LOC400499: variants seen among roughly 807,000 people sequenced by gnomAD.
At chr16:11,401,737 C>T in the LOC400499 span, among the ~76,000 whole-genome samples, 50 of 152,358 alleles carry the variant, frequency 3.3e-4, no homozygotes, top group Non-Finnish European at 6.0e-4. Flanking sequence ...TGAACACGGG[C>T]CCATTAATAG....
chr16:11,502,342 T>C, the LOC400499 span, among the ~76,000 whole-genome samples: 1 of 152,300 alleles, frequency 6.6e-6, no homozygotes, highest in Non-Finnish European at 1.5e-5. Flanking sequence ...AAGCTCCAGG[T>C]CTGGCTTCTC....
chr16:11,396,542 G>C, the LOC400499 span: 48 of 1,232,208 alleles, frequency 3.9e-5, no homozygotes, highest in East Asian at 1.1e-3. Flanking sequence ...AGCTGAACGA[G>C]GCCTGCTGTG....
At chr16:11,374,103 T>G in the LOC400499 span, among the ~76,000 whole-genome samples, 1 of 152,256 alleles carries the variant, frequency 6.6e-6, no homozygotes. Context: ...TAATTAGTAA[T>G]TTTAATAATT....
At chr16:11,445,182 A>T in the LOC400499 span, among the ~76,000 whole-genome samples, 1 of 151,962 alleles carries the variant, frequency 6.6e-6, no homozygotes, top group Admixed American at 6.6e-5. Flanking sequence ...GCACTTTGGG[A>T]GGCCAAGGCG....
the LOC400499 span, chr16:11,446,671 T>C: frequency 6.5e-6 from 10 of 1,533,814 alleles, no homozygotes; most frequent in Non-Finnish European, 7.0e-6. Flanking sequence ...TACACACGCA[T>C]GCAGGGAGTG....
chr16:11,384,970 C>T, the LOC400499 span: 2 of 1,232,250 alleles, frequency 1.6e-6, no homozygotes, highest in Non-Finnish European at 1.0e-6. Flanking sequence ...CGCTGGCCAG[C>T]TCAATCCTGG....
chr16:11,397,110 A>G, the LOC400499 span, among the ~76,000 whole-genome samples: 1 of 152,090 alleles, frequency 6.6e-6, no homozygotes, highest in African/African-American at 2.4e-5. Context: ...GGAATGCGCC[A>G]CCCAGGAGGC....
At chr16:11,505,736 A>G in the LOC400499 span, among the ~76,000 whole-genome samples, 11 of 152,010 alleles carry the variant, frequency 7.2e-5, no homozygotes, top group Non-Finnish European at 1.2e-4. Flanking sequence ...GGTGTGAGCC[A>G]CTGTGCCCGG....
the LOC400499 span, among the ~76,000 whole-genome samples, chr16:11,388,312 G>C: frequency 2.0e-5 from 3 of 152,152 alleles, no homozygotes; most frequent in South Asian, 4.1e-4. Context: ...CCCTTCATCA[G>C]CCTCCATTCT....
chr16:11,513,664 C>G, the LOC400499 span, among the ~76,000 whole-genome samples: 1 of 152,054 alleles, frequency 6.6e-6, no homozygotes, highest in Non-Finnish European at 1.5e-5. Context: ...CTCCTGATCT[C>G]AAGTTATCCG....
the LOC400499 span, among the ~76,000 whole-genome samples, chr16:11,515,676 AATT>A: frequency 6.7e-6 from 1 of 148,782 alleles, no homozygotes; most frequent in Non-Finnish European, 1.5e-5. Flanking sequence ...GAAGAGAAGG[AATT>A]GGAGGAGAGG....
the LOC400499 span, among the ~76,000 whole-genome samples, chr16:11,491,435 T>C: frequency 2.0e-5 from 3 of 152,030 alleles, no homozygotes; most frequent in Admixed American, 1.3e-4. Flanking sequence ...ATTTTACAGA[T>C]GAGGAAACTG....
chr16:11,475,695 G>T, the LOC400499 span: 1 of 399,074 alleles, frequency 2.5e-6, no homozygotes, highest in Non-Finnish European at 4.4e-6. Flanking sequence ...GCCATCCCTG[G>T]TGATGAGGTA....
the LOC400499 span, chr16:11,385,148 G>A: frequency 2.4e-6 from 3 of 1,230,394 alleles, no homozygotes; most frequent in East Asian, 9.5e-5. Flanking sequence ...CAGGCGACCT[G>A]CCATGGGCAC....
the LOC400499 span, among the ~76,000 whole-genome samples, chr16:11,404,307 A>T: frequency 6.6e-6 from 1 of 152,036 alleles, no homozygotes; most frequent in Non-Finnish European, 1.5e-5. Context: ...TTGCTTCCTG[A>T]TGGACCCCTG....
the LOC400499 span, among the ~76,000 whole-genome samples, chr16:11,509,433 T>G: frequency 6.6e-6 from 1 of 151,326 alleles, no homozygotes; most frequent in African/African-American, 2.4e-5. Flanking sequence ...TGAGTATCCT[T>G]TAACAGAAAC....
At chr16:11,406,257 G>C in the LOC400499 span, among the ~76,000 whole-genome samples, 1 of 152,166 alleles carries the variant, frequency 6.6e-6, no homozygotes, top group African/African-American at 2.4e-5. Context: ...GCTTACAAGT[G>C]AGAACATGTG....
At chr16:11,451,362 T>C in the LOC400499 span, among the ~76,000 whole-genome samples, 5 of 152,168 alleles carry the variant, frequency 3.3e-5, no homozygotes, top group African/African-American at 1.2e-4. Context: ...GGAGGATCAC[T>C]TGAGTCTAGG....
the LOC400499 span, among the ~76,000 whole-genome samples, chr16:11,494,245 GT>G: frequency 6.6e-6 from 1 of 150,820 alleles, no homozygotes; most frequent in Non-Finnish European, 1.5e-5. Flanking sequence ...GCCAATTTCT[GT>G]CCCCAGCCAC....
Sources: gnomAD v4.1 joint callset for allele counts (sites outside exome capture counted in the v4.1 genomes callset) on GRCh38, gnomAD v4.1.1 for gene constraint, MANE v1.5 for transcripts.